ZSCAN10: variants seen among roughly 807,000 people sequenced by gnomAD.
The protein encoded by ZSCAN10 is zinc finger and SCAN domain-containing protein 10.
In ZSCAN10, 52 loss-of-function variants were observed where a neutral mutation model predicts 63.7. The ratio of observed to expected loss-of-function variants is 0.82; its 90% CI spans 0.65 to 1.03. The LOEUF is 1.03. Among genes scored for constraint, ZSCAN10 ranks in the 50% least tolerant of loss-of-function variants. ZSCAN10 has a pLI of 0.00. For missense variants in ZSCAN10, 1,223 were observed against 1,103.8 expected (o/e 1.11, Z -1.53); for synonymous variants, 544 against 479.6 (o/e 1.13, Z -1.76).
In ZSCAN10 at chr16:3,089,406, G is replaced by C; in HGVS notation, c.2028C>G (p.Asn676Lys). Residue 676 changes from asparagine (N) to lysine (K), a missense_variant, in exon 6 of 6, where the codon AAC (asparagine) becomes AAG (lysine). Physicochemically the swap from Asn to Lys is moderately conservative, Grantham distance 94. Transcript: ENST00000576985. ...TGTGGCTGCGGCGATGGCGGGCCAG[G>C]TTGGAGCTATTGCGGAAACGGTGGC... ...TCGHRFRNSS[N>K]LARHRRSHTG... 6.2e-7 allele frequency: 1 copy of C among 1,602,884 alleles called. No homozygotes were observed. Among genetic ancestry groups the C allele is most frequent in the Non-Finnish European group, 8.5e-7 (1 of 1,178,014 alleles).
At position 3,089,227 on chromosome 16, in the gene ZSCAN10, C is replaced by G. The variant is rs868209907; in HGVS notation, c.2207G>C (p.Ser736Thr). ...CAGCAGGTGTCGCAGCAGATTGCAG[C>G]TGCGGCTGAAGCTCTTCCCGCACTC... is the stretch of plus-strand genomic sequence containing the variant. Reference protein sequence around the residue: ...CVECGKSFSRSCNLLRHLLVH... With the variant: ...CVECGKSFSRTCNLLRHLLVH... Residue 736 changes from serine (S) to threonine (T), a missense_variant, in exon 6 of 6, where the codon AGC (serine) becomes ACC (threonine). Coordinates refer to ENST00000576985, the MANE Select transcript of ZSCAN10 (RefSeq NM_032805.3). 6.3e-7 allele frequency: 1 copy of G among 1,583,942 alleles called. No individual in the cohort carries two copies. The highest frequency in any genetic ancestry group is 1.7e-5 in the Admixed American group (1 of 57,752).
intron 1 of ZSCAN10, chr16:3,093,361 A>G (rs1467483989): frequency 6.5e-6 from 1 of 153,360 alleles, no homozygotes. Context: ...TCCCGTCTCT[A>G]CTAAAAATAC....
In ZSCAN10 at chr16:3,092,706, G is replaced by A. The variant is rs760431025; in HGVS notation, c.232C>T (p.His78Tyr). ...LCGHWLRPAL[H>Y]TKKQILELLV... Reference sequence around the variant, plus strand: ...AGCTCCAGGATCTGTTTCTTGGTGTGCAGAGCCGGCCGCAGCCAGTGGCCG... The same window carrying A: ...AGCTCCAGGATCTGTTTCTTGGTGTACAGAGCCGGCCGCAGCCAGTGGCCG... The change falls in exon 2 of 6, where the codon CAC (histidine) becomes TAC (tyrosine). Residue 78 changes from histidine to tyrosine, a missense_variant. His to Tyr is a moderately conservative substitution (Grantham distance 83, BLOSUM62 2). Coordinates refer to ENST00000576985, the MANE Select transcript of ZSCAN10 (RefSeq NM_032805.3). 2 of 1,613,320 alleles carry A rather than the reference G, an allele frequency of 1.2e-6. No homozygotes were observed. The highest frequency in any genetic ancestry group is 1.7e-6 in the Non-Finnish European group (2 of 1,179,896).
rs755846680 is a variant in ZSCAN10 at position 3,089,046 on chromosome 16, C to T, written c.*45G>A. ...CCTGCAGGCCTCCGCTGTGGAGGAC[C>T]CCGGGTAGGTGGCGCAGGGCGCGGC... On this transcript the variant is annotated 3_prime_UTR_variant, in exon 6 of 6. Coordinates refer to ENST00000576985, the MANE Select transcript of ZSCAN10 (RefSeq NM_032805.3). The T allele has an allele frequency of 6.9e-7, 1 of 1,448,652 alleles. No individual in the cohort carries two copies. Among genetic ancestry groups the T allele is most frequent in the Non-Finnish European group, 9.0e-7 (1 of 1,111,878 alleles). 89.7% of individuals were successfully genotyped at this position (1,448,652 alleles called of 1,614,324 possible).
intron 1 of ZSCAN10, among the ~76,000 whole-genome samples, chr16:3,094,163 T>A (rs1957126337): frequency 6.6e-6 from 1 of 151,920 alleles, no homozygotes. Context: ...CAGGTGCATA[T>A]CACCATGCTG....
chr16:3,090,186 G>C lies in ZSCAN10; in HGVS notation c.1248C>G (p.Ser416Arg). Reference protein sequence around the residue: ...CHLCGHRFRQSSHLSKHLLTH... With the variant: ...CHLCGHRFRQRSHLSKHLLTH... ...TCAGCAGGTGCTTGCTCAGGTGCGA[G>C]CTCTGGCGGAAGCGGTGGCCGCACA... The change falls in exon 6 of 6, where the codon AGC becomes AGG. Residue 416 changes from serine (S) to arginine (R), a missense_variant. Transcript: ENST00000576985. 1.2e-6 allele frequency: 2 copies of C among 1,605,444 alleles called. No homozygotes were observed. The highest frequency in any genetic ancestry group is 1.7e-6 in the Non-Finnish European group (2 of 1,179,164).
rs377739945 is a variant in ZSCAN10, at chr16:3,090,583, C to T, written c.851G>A (p.Trp284Ter). The T allele has an allele frequency of 6.7e-5, 105 of 1,578,300 alleles. No individual in the cohort carries two copies. Among genetic ancestry groups the T allele is most frequent in the Non-Finnish European group, 8.8e-5 (102 of 1,159,946 alleles). The change falls in exon 6 of 6, where the codon TGG (tryptophan) becomes TAG (stop). Residue 284 changes from tryptophan to a stop codon, truncating the protein, a stop_gained. Coordinates refer to ENST00000576985, the MANE Select transcript of ZSCAN10 (RefSeq NM_032805.3). LOFTEE classifies it high-confidence loss of function. ...FKQEEPKGAA[W>*]PTPILAESQA... ...GGACTCTGCTAAGATGGGAGTGGGCCAGGCAGCCCCTTTGGGCTCTTCTTG... is the reference window on the plus strand; with the variant it reads ...GGACTCTGCTAAGATGGGAGTGGGCTAGGCAGCCCCTTTGGGCTCTTCTTG...
Position 3,092,568 on chromosome 16 carries a change from G to C in ZSCAN10, c.370C>G (p.Arg124Gly). The change falls in exon 2 of 6, where the codon CGG becomes GGG. Residue 124 changes from arginine (R) to glycine (G), a missense_variant. Transcript: ENST00000576985. ...EVVLLLEGIH[R>G]EPSHAGPLDF... ...AGCGGCCCCGCGTGGCTGGGCTCCCGGTGGATGCCCTCGAGCAGCAGCACC... is the reference window on the plus strand; with the variant it reads ...AGCGGCCCCGCGTGGCTGGGCTCCCCGTGGATGCCCTCGAGCAGCAGCACC... The C allele has an allele frequency of 6.4e-7, 1 of 1,559,804 alleles. No homozygotes were observed. Among genetic ancestry groups the C allele is most frequent in the Non-Finnish European group, 8.7e-7 (1 of 1,154,664 alleles).
chr16:3,090,257 G>C lies in ZSCAN10; in HGVS notation c.1177C>G (p.Leu393Val). The change falls in exon 6 of 6, where the codon CTG becomes GTG. Residue 393 changes from leucine (L) to valine (V), a missense_variant. Physicochemically the swap from Leu to Val is conservative, Grantham distance 32. Coordinates refer to ENST00000576985, the MANE Select transcript of ZSCAN10 (RefSeq NM_032805.3). ...TCGTCCGTGTGAGTGCGCATGTGCAGCTTGAGAATGGAGCTGCGGCCGAAG... is the reference window on the plus strand; with the variant it reads ...TCGTCCGTGTGAGTGCGCATGTGCACCTTGAGAATGGAGCTGCGGCCGAAG... ...KSFGRSSILKLHMRTHTDERP... is the reference protein window; with the variant it reads ...KSFGRSSILKVHMRTHTDERP... The C allele has an allele frequency of 6.2e-7, 1 of 1,608,602 alleles. No homozygotes were observed. Among genetic ancestry groups the C allele is most frequent in the East Asian group, 2.2e-5 (1 of 44,862 alleles).
chr16:3,096,450 A>G (rs2151218732), intron 1 of ZSCAN10: 1 of 152,496 alleles, frequency 6.6e-6, no homozygotes, highest in South Asian at 2.1e-4. Context: ...CACTCACCTG[A>G]ATGGCACAGG....
Position 3,091,531 on chromosome 16 carries a change from G to C in ZSCAN10, c.787+9C>G. On this transcript the variant is annotated intron_variant, in intron 5 of 5. Coordinates refer to ENST00000576985, the MANE Select transcript of ZSCAN10 (RefSeq NM_032805.3). ...TCAGTGGTCACTTCTCCAGGGAAGG[G>C]TTGCTTACCCAGGGGGTGTGCAGGC... The C allele has an allele frequency of 1.2e-6, 2 of 1,614,108 alleles. No individual in the cohort carries two copies. The highest frequency in any genetic ancestry group is 1.7e-6 in the Non-Finnish European group (2 of 1,179,960).
In ZSCAN10 at chr16:3,088,953, C is replaced by G. The variant is rs977525002; in HGVS notation, c.*138G>C. 34 of 1,363,736 alleles carry G rather than the reference C, an allele frequency of 2.5e-5. No homozygotes were observed. The highest frequency in any genetic ancestry group is 2.9e-5 in the Non-Finnish European group (31 of 1,063,054). 84.5% of individuals were successfully genotyped at this position (1,363,736 alleles called of 1,614,324 possible). A position where few individuals can be genotyped will look rare whatever the true frequency, so the allele number is the denominator to read the frequency against. On this transcript the variant is annotated 3_prime_UTR_variant, in exon 6 of 6. Transcript: ENST00000576985. ...CATAGCTGAGGCCAGAAAGCAATGC[C>G]TCGGCCAGGGAAGGACAGCTGTGAA...
intron 1 of ZSCAN10, among the ~76,000 whole-genome samples, chr16:3,095,752 A>C (rs1176177183): frequency 6.7e-6 from 1 of 148,256 alleles, no homozygotes; most frequent in Non-Finnish European, 1.5e-5. Flanking sequence ...GGCGTGAAAC[A>C]GGGAGGTAGA....
Position 3,089,695 on chromosome 16 carries a change from C to T in ZSCAN10, c.1739G>A (p.Cys580Tyr). The T allele has an allele frequency of 6.2e-7, 1 of 1,605,630 alleles. No homozygotes were observed. Among genetic ancestry groups the T allele is most frequent in the Non-Finnish European group, 8.5e-7 (1 of 1,177,820 alleles). ...RVHTGEKPYA[C>Y]PQCGKRFVRR... The stretch of plus-strand genomic sequence containing the variant: ...CACAAAGCGCTTCCCGCACTGCGGA[C>T]AGGCGTAGGGCTTCTCGCCCGTGTG... Residue 580 changes from cysteine (C) to tyrosine (Y), a missense_variant, in exon 6 of 6, where the codon TGT (cysteine) becomes TAT (tyrosine). Transcript: ENST00000576985.
rs1474606419 is a variant in ZSCAN10, at chr16:3,089,576, C to A, written c.1858G>T (p.Asp620Tyr). 1.9e-6 allele frequency: 3 copies of A among 1,588,258 alleles called. No individual in the cohort carries two copies. The highest frequency in any genetic ancestry group is 1.1e-5 in the South Asian group (1 of 88,418). The stretch of plus-strand genomic sequence containing the variant: ...TGGCTGCGCTGGTGGCGGGCCAGAT[C>A]CTGGGTCTGGCCGAAACTCTTCCCG... Reference protein sequence around the residue: ...QCGKSFGQTQDLARHQRSHTG... With the variant: ...QCGKSFGQTQYLARHQRSHTG... The change falls in exon 6 of 6, where the codon GAT (aspartate) becomes TAT (tyrosine). Residue 620 changes from aspartate (D) to tyrosine (Y), a missense_variant. Coordinates refer to ENST00000576985, the MANE Select transcript of ZSCAN10 (RefSeq NM_032805.3).
In ZSCAN10 at chr16:3,089,992, C is replaced by T. The variant is rs1439915247; in HGVS notation, c.1442G>A (p.Cys481Tyr). The T allele has an allele frequency of 1.3e-6, 2 of 1,556,508 alleles. No homozygotes were observed. Among genetic ancestry groups the T allele is most frequent in the East Asian group, 2.4e-5 (1 of 41,380 alleles). The change falls in exon 6 of 6, where the codon TGC (cysteine) becomes TAC (tyrosine). Residue 481 changes from cysteine (C) to tyrosine (Y), a missense_variant. Physicochemically the swap from Cys to Tyr is radical, Grantham distance 194. Transcript: ENST00000576985. The part of the protein sequence containing the change: ...PPLTDVLCSH[C>Y]GQSFQRRSSL... ...GGAGCGGCGCTGGAAGCTCTGGCCG[C>T]AGTGGGAGCACAGGACATCGGTCAG... is the stretch of plus-strand genomic sequence containing the variant.
chr16:3,092,685 C>A lies in ZSCAN10; in HGVS notation c.253G>T (p.Glu85Ter). 6.2e-7 allele frequency: 1 copy of A among 1,613,484 alleles called. No individual in the cohort carries two copies. Among genetic ancestry groups the A allele is most frequent in the Non-Finnish European group, 8.5e-7 (1 of 1,179,912 alleles). The change falls in exon 2 of 6, where the codon GAG becomes TAG. Residue 85 changes from glutamate to a stop codon, truncating the protein, a stop_gained. Coordinates refer to ENST00000576985, the MANE Select transcript of ZSCAN10 (RefSeq NM_032805.3). LOFTEE classifies it high-confidence loss of function. ...AGGAACTGCTCCAGCACCAGCAGCT[C>A]CAGGATCTGTTTCTTGGTGTGCAGA... ...PALHTKKQIL[E>*]LLVLEQFLSV...
In ZSCAN10 at chr16:3,092,148, C is replaced by A; in HGVS notation, c.565G>T (p.Ala189Ser). ...CACTGTCCCGGCTCAGCAGGCTGGGCAGCCCTTGGCTGGGGTCGGGGAGGC... is the reference window on the plus strand; with the variant it reads ...CACTGTCCCGGCTCAGCAGGCTGGGAAGCCCTTGGCTGGGGTCGGGGAGGC... ...DEPPRPQPRA[A>S]QPAEPGQWRL... Residue 189 changes from alanine to serine, a missense_variant, in exon 3 of 6, where the codon GCC (alanine) becomes TCC (serine). Coordinates refer to ENST00000576985, the MANE Select transcript of ZSCAN10 (RefSeq NM_032805.3). The A allele has an allele frequency of 1.9e-6, 3 of 1,613,328 alleles. No homozygotes were observed. The highest frequency in any genetic ancestry group is 2.5e-6 in the Non-Finnish European group (3 of 1,179,766).
intron 2 of ZSCAN10, 84 bp from the exon 3 acceptor site, chr16:3,092,400 G>A (rs1489509776): frequency 6.6e-7 from 1 of 1,523,318 alleles, no homozygotes; most frequent in Admixed American, 2.0e-5. Flanking sequence ...CAGAAACGAG[G>A]TTAGAGTCAG....
Sources: gnomAD v4.1 joint callset for allele counts (sites outside exome capture counted in the v4.1 genomes callset) on GRCh38, gnomAD v4.1.1 for gene constraint, MANE v1.5 for transcripts, NCBI Gene and HGNC (gene_info 2026-07-23, HGNC 2026-07-21) for gene names.